The following VPS41 variants were observed in gnomAD, a reference collection of about 807,000 sequenced individuals.
VPS41 encodes the protein VPS41 subunit of HOPS complex, also known as vacuolar protein sorting-associated protein 41 homolog.
Under a neutral mutation model 130.9 loss-of-function variants are expected in VPS41, and 85 were observed. That is an observed-to-expected ratio of 0.65 (90% CI 0.55 to 0.78). VPS41 has a LOEUF of 0.78. VPS41 is among the 30% of genes least tolerant of loss of function. VPS41 has a pLI of 0.00. For missense variants in VPS41, 874 were observed against 1,018.7 expected (o/e 0.86, Z 1.93); for synonymous variants, 335 against 332.9 (o/e 1.01, Z -0.07).
intron 11 of VPS41, chr7:38,775,474 CTTCT>C (rs1304033968): frequency 6.6e-6 from 1 of 152,042 alleles, no homozygotes; most frequent in Non-Finnish European, 1.5e-5. Context: ...CGTTTTACTG[CTTCT>C]TTATTTCTTC....
chr7:38,755,325 C>T (rs543041830), intron 19 of VPS41, among the ~76,000 whole-genome samples: 2 of 152,118 alleles, frequency 1.3e-5, no homozygotes, highest in South Asian at 2.1e-4. Context: ...GCTTTTCTTC[C>T]AGCTACTTCA....
chr7:38,821,152 T>C (rs1346361850), intron 6 of VPS41, 51 bp downstream of exon 6: 2 of 1,361,854 alleles, frequency 1.5e-6, no homozygotes, highest in South Asian at 1.2e-5. Flanking sequence ...TAATCCATAT[T>C]GCCTTACTTG....
intron 27 of VPS41, among the ~76,000 whole-genome samples, chr7:38,727,803 T>G (rs551023766): frequency 7.7e-4 from 118 of 152,334 alleles, no homozygotes; most frequent in African/African-American, 2.8e-3. Context: ...TGAAAAGCAT[T>G]TGTTAGCATC....
At chr7:38,897,318 A>C (rs73127433) in intron 2 of VPS41, among the ~76,000 whole-genome samples, 40,799 of 151,766 alleles carry the variant, frequency 0.27, 6,988 homozygotes, top group Non-Finnish European at 0.39. Context: ...TATCACAATA[A>C]CCTAACAACT....
intron 1 of VPS41, among the ~76,000 whole-genome samples, chr7:38,898,799 G>C (rs1331066199): frequency 6.6e-6 from 1 of 152,234 alleles, no homozygotes; most frequent in Non-Finnish European, 1.5e-5. Context: ...CAGTGAAAGA[G>C]AGAATCTGCT....
chr7:38,882,170 C>T (rs751104804), intron 2 of VPS41, among the ~76,000 whole-genome samples: 1 of 152,182 alleles, frequency 6.6e-6, no homozygotes, highest in Non-Finnish European at 1.5e-5. Context: ...TTAGAATCAC[C>T]GGTGGCCTCA....
chr7:38,870,943 T>TA lies in VPS41; in HGVS notation c.61-1691dup, dbSNP rs527407761. On this transcript the variant is annotated intron_variant, in intron 2 of 28. Coordinates refer to ENST00000310301, the MANE Select transcript of VPS41 (RefSeq NM_014396.4). ...CAGAAGACAAAATAAGTGAAATGAGTAAAAAAAAATATCCAAAGGGAACTC... is the reference window on the plus strand; with the variant it reads ...CAGAAGACAAAATAAGTGAAATGAGTAAAAAAAAAATATCCAAAGGGAACTC... Among the ~76,000 whole-genome samples, 230 of 147,264 alleles carry TA rather than the reference T, an allele frequency of 1.6e-3. 8 individuals are homozygous for TA. The East Asian group carries it at 0.04, about 25-fold the overall frequency.
intron 1 of VPS41, among the ~76,000 whole-genome samples, chr7:38,908,861 G>A (rs1037546059): frequency 1.3e-5 from 2 of 152,174 alleles, no homozygotes; most frequent in Non-Finnish European, 2.9e-5. Context: ...TGAGGTAGCC[G>A]GGCCTGCCTT....
chr7:38,757,208 T>C (rs1167737798), intron 18 of VPS41, among the ~76,000 whole-genome samples: 8 of 152,130 alleles, frequency 5.3e-5, no homozygotes, highest in Admixed American at 5.2e-4. Flanking sequence ...TTTAAGAAAA[T>C]TCACAATATT....
chr7:38,746,482 C>T (rs1385003867), intron 22 of VPS41, among the ~76,000 whole-genome samples: 1 of 151,930 alleles, frequency 6.6e-6, no homozygotes, highest in Admixed American at 6.6e-5. Context: ...TGAGTCCACC[C>T]CCGGGAGCTC....
chr7:38,815,806 G>C (rs536084883), intron 7 of VPS41, among the ~76,000 whole-genome samples: 1 of 152,156 alleles, frequency 6.6e-6, no homozygotes, highest in Non-Finnish European at 1.5e-5. Flanking sequence ...TTGAACATCA[G>C]ACTCCAAGTT....
intron 21 of VPS41, among the ~76,000 whole-genome samples, chr7:38,754,283 G>A (rs578041548): frequency 2.6e-5 from 4 of 152,244 alleles, no homozygotes; most frequent in South Asian, 4.2e-4. Context: ...CAGTATCTGC[G>A]GTGCCATACT....
intron 3 of VPS41, among the ~76,000 whole-genome samples, chr7:38,864,408 T>C (rs1786183016): frequency 6.6e-6 from 1 of 152,186 alleles, no homozygotes; most frequent in Non-Finnish European, 1.5e-5. Context: ...TACAGTCTCA[T>C]CCTAAAACTA....
chr7:38,809,624 G>T (rs1433855434), intron 7 of VPS41, among the ~76,000 whole-genome samples: 1 of 151,920 alleles, frequency 6.6e-6, no homozygotes, highest in Non-Finnish European at 1.5e-5. Flanking sequence ...GGTAAAATTT[G>T]CCATTTCAAA....
At chr7:38,761,123 A>G (rs1783902087) in intron 17 of VPS41, among the ~76,000 whole-genome samples, 1 of 151,958 alleles carries the variant, frequency 6.6e-6, no homozygotes, top group East Asian at 1.9e-4. Context: ...AATATTTCAG[A>G]TCAAGTTTCT....
At chr7:38,872,276 G>A (rs958649038) in intron 2 of VPS41, among the ~76,000 whole-genome samples, 19 of 152,182 alleles carry the variant, frequency 1.2e-4, no homozygotes, top group Non-Finnish European at 2.5e-4. Flanking sequence ...GGTCCACGAA[G>A]CAAGAGTGAT....
At chr7:38,856,134 T>G (rs1309718440) in intron 4 of VPS41, among the ~76,000 whole-genome samples, 1 of 152,182 alleles carries the variant, frequency 6.6e-6, no homozygotes, top group Non-Finnish European at 1.5e-5. Context: ...TCCACCCTCA[T>G]GACCTCATCT....
chr7:38,746,411 T>C (rs997533295), intron 22 of VPS41, among the ~76,000 whole-genome samples: 1 of 151,990 alleles, frequency 6.6e-6, no homozygotes, highest in Admixed American at 6.6e-5. Flanking sequence ...GTGATGATTA[T>C]AGGTAAGAGG....
At chr7:38,771,279 TTA>T in intron 13 of VPS41, 25 bp from the exon 14 acceptor site, 1 of 1,446,598 alleles carries the variant, frequency 6.9e-7, no homozygotes, top group Non-Finnish European at 9.1e-7. Context: ...TAAGGATGAT[TTA>T]AAAAAAAAAA....
Sources: gnomAD v4.1 joint callset for allele counts (sites outside exome capture counted in the v4.1 genomes callset) on GRCh38, gnomAD v4.1.1 for gene constraint, MANE v1.5 for transcripts, NCBI Gene and HGNC (gene_info 2026-07-23, HGNC 2026-07-21) for gene names.